The following NTN1 variants were observed in gnomAD, a reference collection of about 807,000 sequenced individuals.
NTN1 encodes netrin-1.
NTN1 carries 11 observed loss-of-function variants against 54.2 expected under a neutral mutation model. The observed-to-expected ratio is 0.20, with a 90% CI of 0.13 to 0.34. The LOEUF (loss-of-function observed/expected upper bound fraction) is 0.34. NTN1 is among the 10% of genes least tolerant of loss of function. The pLI, the probability that NTN1 is intolerant of heterozygous loss-of-function variation, is 1.00. For missense variants in NTN1, 740 were observed against 893.1 expected (o/e 0.83, Z 2.18); for synonymous variants, 371 against 382.0 (o/e 0.97, Z 0.33).
chr17:9,200,984 T>A (rs550107793), intron 5 of NTN1, among the ~76,000 whole-genome samples: 6 of 152,048 alleles, frequency 3.9e-5, no homozygotes, highest in Non-Finnish European at 7.4e-5. Context: ...CAACAAGGTG[T>A]CTTGTTGCCT....
chr17:9,090,964 G>A (rs1216976424), intron 2 of NTN1, among the ~76,000 whole-genome samples: 2 of 152,040 alleles, frequency 1.3e-5, no homozygotes, highest in African/African-American at 4.8e-5. Context: ...AACCCAGGGC[G>A]TGTGAAGCCG....
chr17:9,105,249 G>A (rs906712826), intron 2 of NTN1, among the ~76,000 whole-genome samples: 2 of 152,150 alleles, frequency 1.3e-5, no homozygotes, highest in African/African-American at 4.8e-5. Flanking sequence ...GGTCAGCTTG[G>A]TCTGCTCCAT....
At chr17:9,225,072 C>A (rs1244704450) in intron 6 of NTN1, among the ~76,000 whole-genome samples, 1 of 151,986 alleles carries the variant, frequency 6.6e-6, no homozygotes, top group Non-Finnish European at 1.5e-5. Context: ...ACCAGTCTGG[C>A]CAACATAGTG....
intron 2 of NTN1, among the ~76,000 whole-genome samples, chr17:9,150,595 A>G (rs1239732205): frequency 6.6e-6 from 1 of 152,206 alleles, no homozygotes; most frequent in African/African-American, 2.4e-5. Context: ...CCTGCTCGGC[A>G]TTTCCTCCAA....
the NTN1 span, among the ~76,000 whole-genome samples, chr17:9,005,561 A>T: frequency 2.6e-5 from 4 of 152,142 alleles, no homozygotes. Flanking sequence ...TGCAGGTGGT[A>T]TAAGGACCAT....
At chr17:9,100,366 C>T (rs959202898) in intron 2 of NTN1, among the ~76,000 whole-genome samples, 2 of 152,090 alleles carry the variant, frequency 1.3e-5, no homozygotes, top group Non-Finnish European at 2.9e-5. Flanking sequence ...GGCACGATCT[C>T]GGCTCACTCC....
chr17:9,117,771 CA>C (rs11414930), intron 2 of NTN1, among the ~76,000 whole-genome samples: 135 of 126,750 alleles, frequency 1.1e-3, no homozygotes, highest in Non-Finnish European at 1.2e-3. Context: ...ACAAAAAAAC[CA>C]AAAAAAAAAA....
intron 2 of NTN1, among the ~76,000 whole-genome samples, chr17:9,099,451 A>G (rs1248743511): frequency 6.6e-6 from 1 of 152,204 alleles, no homozygotes; most frequent in African/African-American, 2.4e-5. Context: ...AATATAGAGT[A>G]ATTTATTTGA....
chr17:9,082,560 T>C (rs2092074932), intron 2 of NTN1, among the ~76,000 whole-genome samples: 2 of 152,184 alleles, frequency 1.3e-5, no homozygotes, highest in Admixed American at 1.3e-4. Context: ...TGAGGGCAGC[T>C]GCGCTCAGGC....
At chr17:9,005,781 A>AG in the NTN1 span, among the ~76,000 whole-genome samples, 1 of 152,166 alleles carries the variant, frequency 6.6e-6, no homozygotes, top group Non-Finnish European at 1.5e-5. Context: ...AGGGAGCGGC[A>AG]GGGGGTGAAC....
At chr17:9,129,177 TCAAGCCAGCGTGG>T (rs1317372573) in intron 2 of NTN1, among the ~76,000 whole-genome samples, 1 of 152,086 alleles carries the variant, frequency 6.6e-6, no homozygotes, top group Non-Finnish European at 1.5e-5. Flanking sequence ...TGAAAAACAC[TCAAGCCAGCGTGG>T]GACTGGGTTT....
intron 2 of NTN1, among the ~76,000 whole-genome samples, chr17:9,070,230 A>G (rs754827082): frequency 7.9e-5 from 12 of 152,086 alleles, no homozygotes; most frequent in Non-Finnish European, 1.3e-4. Flanking sequence ...ATTGTTGTTA[A>G]ATGAGTTAAT....
At chr17:9,072,813 C>A (rs749584024) in intron 2 of NTN1, among the ~76,000 whole-genome samples, 1 of 152,190 alleles carries the variant, frequency 6.6e-6, no homozygotes, top group African/African-American at 2.4e-5. Flanking sequence ...AACCTTGGCA[C>A]GGAGGCCCCG....
At chr17:9,158,697 G>C (rs2092350065) in intron 2 of NTN1, among the ~76,000 whole-genome samples, 1 of 152,168 alleles carries the variant, frequency 6.6e-6, no homozygotes, top group Admixed American at 6.5e-5. Flanking sequence ...GCAGGCCCCT[G>C]TCACCCTTGT....
intron 2 of NTN1, among the ~76,000 whole-genome samples, chr17:9,037,081 C>G (rs2091905853): frequency 6.6e-6 from 1 of 152,166 alleles, no homozygotes; most frequent in Non-Finnish European, 1.5e-5. Flanking sequence ...TCTGTGTCTA[C>G]CACTAACATG....
At chr17:9,194,215 A>C (rs929466084) in intron 5 of NTN1, among the ~76,000 whole-genome samples, 1 of 150,888 alleles carries the variant, frequency 6.6e-6, no homozygotes, top group Non-Finnish European at 1.5e-5. Flanking sequence ...CAGCCTGGGC[A>C]ATAGAGCCAG....
At chr17:9,174,410 T>A (rs2092394854) in intron 3 of NTN1, 1 of 152,440 alleles carries the variant, frequency 6.6e-6, no homozygotes, top group Non-Finnish European at 1.5e-5. Flanking sequence ...CACAGGTGTG[T>A]TAGTCAGTGC....
intron 2 of NTN1, among the ~76,000 whole-genome samples, chr17:9,158,094 AAAT>A (rs2092348272): frequency 6.6e-6 from 1 of 152,202 alleles, no homozygotes; most frequent in Admixed American, 6.5e-5. Context: ...ACAAGCTGTA[AAAT>A]ACTTTGCAGA....
intron 2 of NTN1, among the ~76,000 whole-genome samples, chr17:9,130,946 A>G (rs2092262806): frequency 6.6e-6 from 1 of 152,212 alleles, no homozygotes; most frequent in Non-Finnish European, 1.5e-5. Flanking sequence ...TACACCAGGG[A>G]GTTTGCTCTG....
Sources: allele counts gnomAD v4.1 joint callset (sites outside exome capture counted in the v4.1 genomes callset), GRCh38; gene constraint gnomAD v4.1.1; transcripts MANE v1.5; gene names NCBI Gene and HGNC (gene_info 2026-07-23, HGNC 2026-07-21).